Variants in EFHC2 observed in about 807,000 individuals in gnomAD.
EFHC2 encodes the protein EF-hand domain-containing family member C2.
EFHC2 carries 18 observed loss-of-function variants against 52.7 expected under a neutral mutation model. The observed-to-expected ratio is 0.34, with a 90% CI of 0.24 to 0.51. The LOEUF (loss-of-function observed/expected upper bound fraction) is 0.51, where lower values mean the gene tolerates loss of function less well. Ranked by LOEUF, EFHC2 falls within the 20% of genes least tolerant of loss-of-function variation. EFHC2 has a pLI of 0.97. For synonymous variants in EFHC2, 203 were observed against 204.1 expected (o/e 0.99, Z 0.04); for missense variants, 513 against 562.5 (o/e 0.91, Z 0.89).
At chrX:44,162,338 G>T (rs1255569289) in intron 14 of EFHC2, among the ~76,000 whole-genome samples, 1 of 111,246 alleles carries the variant, frequency 9.0e-6, no homozygotes, top group African/African-American at 3.3e-5. Context: ...CAGGAGAATC[G>T]CTTGAACCTG....
chrX:44,190,998 G>A (rs2036915364), intron 11 of EFHC2, among the ~76,000 whole-genome samples: 1 of 111,641 alleles, frequency 9.0e-6, no homozygotes, highest in Admixed American at 9.5e-5. Flanking sequence ...ATGAACAAAT[G>A]AATACAAATT....
intron 1 of EFHC2, among the ~76,000 whole-genome samples, chrX:44,339,135 G>T (rs907625504): frequency 7.5e-4 from 81 of 108,365 alleles, no homozygotes; most frequent in Non-Finnish European, 9.9e-4. Context: ...AGGTTGCAGT[G>T]AGCCGAGATG....
chrX:44,229,690 A>T lies in EFHC2; in HGVS notation c.1710T>A (p.Ala570=). 8.3e-7 allele frequency: 1 copy of T among 1,211,404 alleles called. No individual in the cohort carries two copies. Among genetic ancestry groups the T allele is most frequent in the Non-Finnish European group, 1.1e-6 (1 of 895,146 alleles). Residue 570 remains alanine, a synonymous_variant, in exon 11 of 15, where the codon GCT becomes GCA. Coordinates refer to ENST00000420999, the MANE Select transcript of EFHC2 (RefSeq NM_025184.4). ...SRELKQVFKA[A]DSKHTNMVDY... The stretch of plus-strand genomic sequence containing the variant: ...CCACCATATTTGTGTGCTTAGAGTC[A>T]GCAGCTTTAAATACCTGCTTGAGCT...
At chrX:44,253,246 T>TTTC (rs1488447981) in intron 4 of EFHC2, among the ~76,000 whole-genome samples, 82 of 110,231 alleles carry the variant, frequency 7.4e-4, no homozygotes, top group Middle Eastern at 9.4e-3. Flanking sequence ...TTTTTTTTTT[T>TTTC]TTCATACCCC....
At chrX:44,228,310 C>G (rs1166140044) in intron 11 of EFHC2, among the ~76,000 whole-genome samples, 1 of 111,687 alleles carries the variant, frequency 9.0e-6, no homozygotes, top group Non-Finnish European at 1.9e-5. Flanking sequence ...TCCCAAAAAG[C>G]CCTATAAACT....
At chrX:44,159,850 G>GA (rs2036638069) in intron 14 of EFHC2, among the ~76,000 whole-genome samples, 1 of 112,816 alleles carries the variant, frequency 8.9e-6, no homozygotes, top group African/African-American at 3.2e-5. Context: ...CTGACTTGAG[G>GA]AAAGTAAGAC....
chrX:44,163,840 G>A lies in EFHC2; in HGVS notation c.2148+82C>T, dbSNP rs1183421179. The A allele has an allele frequency of 7.3e-5, 50 of 685,311 alleles. 1 individual carries two copies. In the Admixed American group the frequency reaches 1.2e-3, roughly 17 times the overall value. 56.5% of individuals were successfully genotyped at this position (685,311 alleles called of 1,213,427 possible). On this transcript the variant is annotated intron_variant, in intron 14 of 14. Coordinates refer to ENST00000420999, the MANE Select transcript of EFHC2 (RefSeq NM_025184.4). The stretch of plus-strand genomic sequence containing the variant: ...AGCACTGATGTTAATATTTTATAAT[G>A]AAAAATAATTTAAAGATAAAGGATA...
Position 44,254,961 on chromosome X carries a change from C to T in EFHC2, c.607-4516G>A, listed in dbSNP as rs1042604988. On this transcript the variant is annotated intron_variant, in intron 4 of 14. Transcript: ENST00000420999. ...CCTACAAGCCACAAGAGAGTGGGGG[C>T]CAATATTCAACATCCTTAAAGAAAA... 8.1e-5 allele frequency among the ~76,000 whole-genome samples: 9 copies of T among 111,645 alleles called. No homozygotes were observed. In the South Asian group the frequency reaches 3.4e-3, roughly 42 times the overall value.
At chrX:44,330,146 A>AT (rs1220615105) in intron 1 of EFHC2, among the ~76,000 whole-genome samples, 1 of 107,000 alleles carries the variant, frequency 9.3e-6, no homozygotes, top group African/African-American at 3.4e-5. Context: ...TGTCCCAGCT[A>AT]TTGGGGGGCT....
intron 2 of EFHC2, among the ~76,000 whole-genome samples, chrX:44,291,580 G>C (rs1012426116): frequency 8.9e-6 from 1 of 112,028 alleles, no homozygotes; most frequent in Non-Finnish European, 1.9e-5. Context: ...CATGAAAATG[G>C]AAAGGGAAGT....
At chrX:44,169,777 C>T (rs1288773749) in intron 13 of EFHC2, among the ~76,000 whole-genome samples, 1 of 110,532 alleles carries the variant, frequency 9.0e-6, no homozygotes, top group East Asian at 2.8e-4. Context: ...TCATCATGAA[C>T]TTCCAGAATA....
chrX:44,250,081 C>A (rs2037430823), intron 5 of EFHC2, 113 bp downstream of exon 5: 1 of 910,212 alleles, frequency 1.1e-6, no homozygotes, highest in Admixed American at 3.6e-5. Flanking sequence ...TTTCTAAATA[C>A]CTGCACTAGT....
intron 1 of EFHC2, among the ~76,000 whole-genome samples, chrX:44,317,123 G>A (rs930078721): frequency 2.4e-4 from 27 of 112,053 alleles, no homozygotes; most frequent in African/African-American, 8.1e-4. Context: ...AGCAAAGGCA[G>A]CCCCCCTGAG....
intron 10 of EFHC2, 86 bp from the exon 11 acceptor site, chrX:44,229,865 C>A (rs2037262265): frequency 5.4e-6 from 5 of 933,983 alleles, no homozygotes; most frequent in Non-Finnish European, 7.3e-6. Flanking sequence ...AGCAAAGGGA[C>A]TTCACACTGT....
At chrX:44,196,693 C>T (rs748088375) in intron 11 of EFHC2, among the ~76,000 whole-genome samples, 2 of 112,234 alleles carry the variant, frequency 1.8e-5, no homozygotes, top group East Asian at 5.6e-4. Context: ...TCCAGGGGCA[C>T]ATACATGCTT....
intron 2 of EFHC2, among the ~76,000 whole-genome samples, chrX:44,299,862 G>C (rs1182409074): frequency 9.0e-6 from 1 of 111,670 alleles, no homozygotes; most frequent in African/African-American, 3.3e-5. Flanking sequence ...TATATAAGAT[G>C]TTATCATCGG....
At chrX:44,261,777 A>T (rs899869223) in intron 3 of EFHC2, among the ~76,000 whole-genome samples, 1 of 107,626 alleles carries the variant, frequency 9.3e-6, no homozygotes, top group African/African-American at 3.4e-5. Flanking sequence ...AAAAAAAAAA[A>T]GCTAGTAAGC....
intron 1 of EFHC2, among the ~76,000 whole-genome samples, chrX:44,317,450 A>T (rs1163749395): frequency 1.8e-5 from 2 of 112,798 alleles, no homozygotes; most frequent in Non-Finnish European, 3.7e-5. Flanking sequence ...AAGCACATGA[A>T]AATATGTCCA....
At chrX:44,226,992 T>G (rs12852758) in intron 11 of EFHC2, among the ~76,000 whole-genome samples, 1 of 109,480 alleles carries the variant, frequency 9.1e-6, no homozygotes, top group African/African-American at 3.3e-5. Flanking sequence ...GAGAATTATC[T>G]CAGAGAATTA....
Sources: allele counts gnomAD v4.1 joint callset (sites outside exome capture counted in the v4.1 genomes callset), GRCh38; gene constraint gnomAD v4.1.1; transcripts MANE v1.5; gene names NCBI Gene and HGNC (gene_info 2026-07-23, HGNC 2026-07-21).